The following TFDP2 variants were observed in gnomAD, a reference collection of about 807,000 sequenced individuals.
The protein encoded by TFDP2 is transcription factor Dp-2 (E2F dimerization partner 2).
In TFDP2, 17 loss-of-function variants were observed where a neutral mutation model predicts 59.3. The observed-to-expected ratio is 0.29, with a 90% CI of 0.20 to 0.43. The LOEUF is 0.43. Among genes scored for constraint, TFDP2 ranks in the 20% least tolerant of loss-of-function variants. The probability of loss-of-function intolerance (pLI) is 1.00; values close to 1 mark genes in which losing one functional copy is unlikely to be tolerated. For missense variants in TFDP2, 391 were observed against 528.8 expected, an observed-to-expected ratio of 0.74 and a Z score of 2.56; for synonymous variants, 180 against 194.7, an observed-to-expected ratio of 0.92 and a Z score of 0.63.
chr3:142,079,614 A>C (rs2060570369), intron 3 of TFDP2, among the ~76,000 whole-genome samples: 1 of 152,146 alleles, frequency 6.6e-6, no homozygotes, highest in Non-Finnish European at 1.5e-5. Context: ...CTGAAGGTCA[A>C]AGATAAAGAA....
Position 141,968,860 on chromosome 3 carries a change from T to C in TFDP2, c.732+1213A>G, listed in dbSNP as rs192441941. Among the ~76,000 whole-genome samples, 423 of 80,910 alleles carry C rather than the reference T, an allele frequency of 5.2e-3. 47 individuals carry two copies. Among genetic ancestry groups the C allele is most frequent in the Non-Finnish European group, 6.6e-3 (301 of 45,880 alleles). 53.1% of individuals were successfully genotyped at this position (80,910 alleles called of 152,430 possible). A position where few individuals can be genotyped will look rare whatever the true frequency, so the allele number is the denominator to read the frequency against. ...CTCATATATATAGATATATATAACA[T>C]ATATATCTCATATATATAGATATAT... is the stretch of plus-strand genomic sequence containing the variant. On this transcript the variant is annotated intron_variant, in intron 9 of 12. Coordinates refer to ENST00000489671, the MANE Select transcript of TFDP2 (RefSeq NM_001178139.2).
intron 1 of TFDP2, among the ~76,000 whole-genome samples, chr3:142,129,580 T>C (rs116536270): frequency 0.011 from 1,725 of 152,188 alleles, 34 homozygotes; most frequent in African/African-American, 0.039. Context: ...ATCTAGAATA[T>C]ATAAAGAACC....
At chr3:142,097,281 G>A (rs1239654758) in intron 2 of TFDP2, among the ~76,000 whole-genome samples, 1 of 152,144 alleles carries the variant, frequency 6.6e-6, no homozygotes, top group Non-Finnish European at 1.5e-5. Context: ...TTCTTCTGGA[G>A]ATAATATGAT....
chr3:142,103,300 A>G (rs1177990276), intron 1 of TFDP2, among the ~76,000 whole-genome samples: 1 of 151,934 alleles, frequency 6.6e-6, no homozygotes, highest in South Asian at 2.1e-4. Context: ...ACTGAATTCA[A>G]CCTGTGATCT....
intron 4 of TFDP2, among the ~76,000 whole-genome samples, chr3:141,998,020 G>A (rs938359494): frequency 2.0e-5 from 3 of 151,892 alleles, no homozygotes; most frequent in Admixed American, 6.6e-5. Flanking sequence ...GCGGCTGATC[G>A]GAGAGTGATT....
intron 9 of TFDP2, among the ~76,000 whole-genome samples, chr3:141,967,004 C>T (rs1938188817): frequency 6.6e-6 from 1 of 151,788 alleles, no homozygotes; most frequent in South Asian, 2.1e-4. Flanking sequence ...GCAACCTCCG[C>T]CTCCCGGGTT....
chr3:142,145,275 T>C (rs1401079081), intron 1 of TFDP2, among the ~76,000 whole-genome samples: 1 of 152,120 alleles, frequency 6.6e-6, no homozygotes, highest in Non-Finnish European at 1.5e-5. Flanking sequence ...ATTTAGGAAC[T>C]ATGGTGAGCA....
rs1935847722 is a variant in TFDP2, at chr3:141,950,640, C to A, written c.*1873G>T. The stretch of plus-strand genomic sequence containing the variant: ...AAGGTAGCAGTGGCTGTTGGCCTCT[C>A]CAGGTCCCTGCTGGGTCCCAGAGAT... On this transcript the variant is annotated 3_prime_UTR_variant, in exon 13 of 13. Coordinates refer to ENST00000489671, the MANE Select transcript of TFDP2 (RefSeq NM_001178139.2). 1 of 152,604 alleles carries A rather than the reference C, an allele frequency of 6.6e-6. No homozygotes were observed. Among genetic ancestry groups the A allele is most frequent in the South Asian group, 2.1e-4 (1 of 4,822 alleles). The allele number at this position is 152,604 out of a possible 1,614,324, so 9.5% of individuals were successfully genotyped here.
intron 2 of TFDP2, among the ~76,000 whole-genome samples, chr3:142,098,862 G>A (rs2061242283): frequency 6.6e-6 from 1 of 152,144 alleles, no homozygotes; most frequent in Admixed American, 6.5e-5. Context: ...ATCATCGTTT[G>A]ATCCCTGGAA....
chr3:142,139,127 CTTT>C (rs1481094579), intron 1 of TFDP2, among the ~76,000 whole-genome samples: 1 of 152,166 alleles, frequency 6.6e-6, no homozygotes, highest in Non-Finnish European at 1.5e-5. Flanking sequence ...TAATGGCCTT[CTTT>C]GTCTCTTTTG....
chr3:142,003,199 CTG>C (rs757887988), intron 4 of TFDP2, among the ~76,000 whole-genome samples: 2 of 152,126 alleles, frequency 1.3e-5, no homozygotes, highest in Non-Finnish European at 2.9e-5. Context: ...TGGGGTTTCA[CTG>C]TGTTAGCCAG....
At chr3:142,017,841 G>A (rs977561681) in intron 3 of TFDP2, among the ~76,000 whole-genome samples, 10 of 151,940 alleles carry the variant, frequency 6.6e-5, no homozygotes, top group Admixed American at 6.6e-5. Flanking sequence ...GTGAGCCACC[G>A]CGCCCAGCCA....
At chr3:141,954,967 A>G (rs1022593718) in intron 11 of TFDP2, among the ~76,000 whole-genome samples, 1 of 152,144 alleles carries the variant, frequency 6.6e-6, no homozygotes, top group African/African-American at 2.4e-5. Context: ...TTTCTTTGAG[A>G]CAGCTGGGAA....
At chr3:142,115,141 A>G (rs1485021666) in intron 1 of TFDP2, among the ~76,000 whole-genome samples, 1 of 152,106 alleles carries the variant, frequency 6.6e-6, no homozygotes, top group Non-Finnish European at 1.5e-5. Context: ...TTGTGTTCTT[A>G]TATATATTCT....
chr3:142,147,214 TAG>T (rs1374904699), intron 1 of TFDP2, among the ~76,000 whole-genome samples: 1 of 152,186 alleles, frequency 6.6e-6, no homozygotes, highest in Non-Finnish European at 1.5e-5. Context: ...GCCGCACACC[TAG>T]AGTCATGTAT....
chr3:142,142,798 C>T (rs1217440877), intron 1 of TFDP2, among the ~76,000 whole-genome samples: 1 of 152,216 alleles, frequency 6.6e-6, no homozygotes, highest in Non-Finnish European at 1.5e-5. Flanking sequence ...AACAAATCCA[C>T]ACACCTACAG....
At chr3:141,956,912 T>C (rs1936746171) in intron 11 of TFDP2, among the ~76,000 whole-genome samples, 1 of 148,686 alleles carries the variant, frequency 6.7e-6, no homozygotes, top group Non-Finnish European at 1.5e-5. Flanking sequence ...AGAGCAAGAC[T>C]CTCTCCCCTC....
At chr3:142,105,151 T>C (rs2061433224) in intron 1 of TFDP2, among the ~76,000 whole-genome samples, 1 of 152,172 alleles carries the variant, frequency 6.6e-6, no homozygotes, top group African/African-American at 2.4e-5. Flanking sequence ...TTTAAGACTA[T>C]CTCATGACCT....
intron 1 of TFDP2, among the ~76,000 whole-genome samples, chr3:142,112,846 T>C (rs1390092063): frequency 6.6e-6 from 1 of 152,100 alleles, no homozygotes. Flanking sequence ...TGTTCTACAA[T>C]AACACCTAAA....
Sources: gnomAD v4.1 joint callset for allele counts (sites outside exome capture counted in the v4.1 genomes callset) on GRCh38, gnomAD v4.1.1 for gene constraint, MANE v1.5 for transcripts, NCBI Gene and HGNC (gene_info 2026-07-23, HGNC 2026-07-21) for gene names.